The following DLGAP2 variants were observed in gnomAD, a reference collection of about 807,000 sequenced individuals.
DLGAP2 encodes the protein disks large-associated protein 2.
Under a neutral mutation model 100.3 loss-of-function variants are expected in DLGAP2, and 26 were observed. The observed-to-expected ratio is 0.26, with a 90% CI of 0.19 to 0.36. The LOEUF (loss-of-function observed/expected upper bound fraction) is 0.36. Ranked by LOEUF, DLGAP2 falls within the 10% of genes least tolerant of loss-of-function variation. The probability of loss-of-function intolerance (pLI) is 1.00; values close to 1 mark genes in which losing one functional copy is unlikely to be tolerated. For synonymous variants in DLGAP2, 886 were observed against 630.1 expected (o/e 1.41, Z -6.08); for missense variants, 1,858 against 1,453.2 (o/e 1.28, Z -4.53).
chr8:1,622,235 C>T (rs1273135034), intron 6 of DLGAP2: 3 of 152,206 alleles, frequency 2.0e-5, no homozygotes, highest in Non-Finnish European at 4.4e-5. Flanking sequence ...GGAGCTTCTC[C>T]TGTCAGATCC....
At chr8:1,245,895 G>A (rs1356988038) in intron 2 of DLGAP2, among the ~76,000 whole-genome samples, 2 of 152,206 alleles carry the variant, frequency 1.3e-5, no homozygotes, top group South Asian at 2.1e-4. Context: ...CGAAGGGTGG[G>A]TGGTCCCAGT....
chr8:1,073,817 A>G (rs540723294), intron 2 of DLGAP2, among the ~76,000 whole-genome samples: 15 of 152,356 alleles, frequency 9.8e-5, no homozygotes, highest in African/African-American at 2.9e-4. Flanking sequence ...GGATATTTTT[A>G]TCTTCTGCTA....
intron 1 of DLGAP2, among the ~76,000 whole-genome samples, chr8:890,156 C>A (rs926874491): frequency 6.6e-6 from 1 of 152,176 alleles, no homozygotes; most frequent in African/African-American, 2.4e-5. Flanking sequence ...TGTTTTTTTC[C>A]GATGGGAGCC....
chr8:1,066,997 C>G (rs923067096), intron 2 of DLGAP2, among the ~76,000 whole-genome samples: 1 of 152,192 alleles, frequency 6.6e-6, no homozygotes, highest in Non-Finnish European at 1.5e-5. Context: ...CCTGGGCCCC[C>G]CTGATGCCCG....
intron 1 of DLGAP2, among the ~76,000 whole-genome samples, chr8:775,712 GGT>G (rs2132615429): frequency 8.4e-6 from 1 of 118,752 alleles, no homozygotes; most frequent in South Asian, 3.3e-4. Flanking sequence ...ACTTGATCAT[GGT>G]GGATAAGCTT....
At chr8:805,266 A>G (rs942152515) in intron 1 of DLGAP2, among the ~76,000 whole-genome samples, 1 of 152,202 alleles carries the variant, frequency 6.6e-6, no homozygotes, top group African/African-American at 2.4e-5. Context: ...TCCCAACTCC[A>G]TGACCATATA....
At chr8:966,806 T>G (rs1354879709) in intron 2 of DLGAP2, among the ~76,000 whole-genome samples, 1 of 152,250 alleles carries the variant, frequency 6.6e-6, no homozygotes, top group African/African-American at 2.4e-5. Context: ...GTTAGGATGG[T>G]CAACCTTCTT....
chr8:849,650 G>A (rs1797143690), intron 1 of DLGAP2, among the ~76,000 whole-genome samples: 1 of 152,170 alleles, frequency 6.6e-6, no homozygotes, highest in East Asian at 1.9e-4. Context: ...CGTCCTAATA[G>A]TGGAGAGTTG....
At chr8:1,283,337 C>T (rs181681654) in intron 3 of DLGAP2, among the ~76,000 whole-genome samples, 7 of 152,368 alleles carry the variant, frequency 4.6e-5, no homozygotes, top group East Asian at 3.9e-4. Flanking sequence ...CTGAACCCAG[C>T]GCCCTGGATC....
chr8:785,073 C>T (rs1431468404), intron 1 of DLGAP2, among the ~76,000 whole-genome samples: 1 of 151,560 alleles, frequency 6.6e-6, no homozygotes, highest in African/African-American at 2.4e-5. Flanking sequence ...AAACATTAGC[C>T]GGGTGTGGTG....
In DLGAP2 at chr8:1,627,954, T is replaced by C. The variant is rs113157706; in HGVS notation, c.1590+1067T>C. Among the ~76,000 whole-genome samples, 449 of 117,692 alleles carry C rather than the reference T, an allele frequency of 3.8e-3. 1 individual carries two copies. The highest frequency in any genetic ancestry group is 0.013 in the African/African-American group (358 of 26,552). The allele number at this position is 117,692 out of a possible 152,430, so 77.2% of individuals were successfully genotyped here. A position where few individuals can be genotyped will look rare whatever the true frequency, so the allele number is the denominator to read the frequency against. Reference sequence around the variant, plus strand: ...TGGAGCAGGGATTAAGAGCCTGAGCTGACCTCACATTCTCTCTGACTTACT... The same window carrying C: ...TGGAGCAGGGATTAAGAGCCTGAGCCGACCTCACATTCTCTCTGACTTACT... On this transcript the variant is annotated intron_variant, in intron 7 of 14. Coordinates refer to ENST00000637795, the MANE Select transcript of DLGAP2 (RefSeq NM_001346810.2).
At position 931,185 on chromosome 8, in the gene DLGAP2, C is replaced by G. The variant is rs574577879; in HGVS notation, c.73+23219C>G. 9.4e-4 allele frequency among the ~76,000 whole-genome samples: 143 copies of G among 152,246 alleles called. 1 individual carries two copies. Among genetic ancestry groups the G allele is most frequent in the South Asian group, 4.2e-4 (2 of 4,816 alleles). On this transcript the variant is annotated intron_variant, in intron 2 of 14. Coordinates refer to ENST00000637795, the MANE Select transcript of DLGAP2 (RefSeq NM_001346810.2). ...GGCCACTGCCCTACTGAATCTTGCT[C>G]CTGGATCTTGGTCCTGGGACAGGCG...
At chr8:1,176,455 G>A (rs1485571938) in intron 2 of DLGAP2, among the ~76,000 whole-genome samples, 1 of 152,214 alleles carries the variant, frequency 6.6e-6, no homozygotes, top group Admixed American at 6.5e-5. Flanking sequence ...ATTTACATGA[G>A]ATGTAGAACG....
intron 2 of DLGAP2, among the ~76,000 whole-genome samples, chr8:1,243,012 C>CAT (rs1419759200): frequency 6.6e-6 from 1 of 152,208 alleles, no homozygotes; most frequent in African/African-American, 2.4e-5. Context: ...TCTGGGGAGC[C>CAT]ATTCCTGACC....
intron 2 of DLGAP2, among the ~76,000 whole-genome samples, chr8:1,199,323 G>C (rs993504450): frequency 2.0e-5 from 3 of 152,202 alleles, no homozygotes; most frequent in African/African-American, 7.2e-5. Flanking sequence ...CTTCTCCCTG[G>C]TGATCTCTTT....
intron 2 of DLGAP2, chr8:1,019,064 T>A (rs1195131686): frequency 1.3e-5 from 2 of 152,316 alleles, no homozygotes; most frequent in Non-Finnish European, 1.5e-5. Flanking sequence ...AAATGCCCTT[T>A]GGCTCATCTG....
chr8:1,304,736 G>A (rs184114699), intron 3 of DLGAP2, among the ~76,000 whole-genome samples: 5 of 152,260 alleles, frequency 3.3e-5, no homozygotes, highest in Admixed American at 3.3e-4. Context: ...GTAATTTATC[G>A]AAAGCTAAGT....
chr8:1,247,244 G>C lies in DLGAP2; in HGVS notation c.74-11607G>C, dbSNP rs113479025. On this transcript the variant is annotated intron_variant, in intron 2 of 14. Transcript: ENST00000637795. ...AGTGATGGTCCACGTCGGTGGCCGG[G>C]AAGACCTTTGAGATCAGTGTGGGAG... 2.6e-3 allele frequency: 218 copies of C among 82,976 alleles called. 2 individuals are homozygous for C. The highest frequency in any genetic ancestry group is 0.01 in the African/African-American group (156 of 15,018). 5.1% of individuals were successfully genotyped at this position (82,976 alleles called of 1,614,324 possible).
At chr8:1,683,934 A>G (rs28607317) in intron 12 of DLGAP2, among the ~76,000 whole-genome samples, 2 of 93,534 alleles carry the variant, frequency 2.1e-5, no homozygotes, top group Non-Finnish European at 2.0e-5. Context: ...GTGTGTATAT[A>G]TGTGTATATA....
Sources: gnomAD v4.1 joint callset for allele counts (sites outside exome capture counted in the v4.1 genomes callset) on GRCh38, gnomAD v4.1.1 for gene constraint, MANE v1.5 for transcripts, NCBI Gene and HGNC (gene_info 2026-07-23, HGNC 2026-07-21) for gene names.